DOCK10: variants seen among roughly 807,000 people sequenced by gnomAD.
DOCK10 encodes the protein dedicator of cytokinesis protein 10.
A neutral mutation model predicts 280.1 loss-of-function variants in DOCK10; 145 were observed. That is an observed-to-expected ratio of 0.52 (90% CI 0.45 to 0.59). The LOEUF (loss-of-function observed/expected upper bound fraction) is 0.59. Among genes scored for constraint, DOCK10 ranks in the 20% least tolerant of loss-of-function variants. DOCK10 has a pLI of 0.00. For missense variants in DOCK10, 2,368 were observed against 2,651.7 expected, an observed-to-expected ratio of 0.89 and a Z score of 2.35; for synonymous variants, 915 against 942.2, an observed-to-expected ratio of 0.97 and a Z score of 0.53.
At chr2:224,912,397 G>T (rs1011515641) in intron 3 of DOCK10, among the ~76,000 whole-genome samples, 1 of 152,082 alleles carries the variant, frequency 6.6e-6, no homozygotes, top group Admixed American at 6.5e-5. Context: ...GGCTTCCCAA[G>T]GTGCTGGGAT....
chr2:224,898,481 G>A (rs1047529068), intron 3 of DOCK10, among the ~76,000 whole-genome samples: 2 of 152,238 alleles, frequency 1.3e-5, no homozygotes, highest in Non-Finnish European at 2.9e-5. Flanking sequence ...GTACTGGAAT[G>A]GATGGGGAAT....
intron 55 of DOCK10, among the ~76,000 whole-genome samples, chr2:224,769,550 G>A (rs1443318007): frequency 6.6e-6 from 1 of 152,194 alleles, no homozygotes; most frequent in Non-Finnish European, 1.5e-5. Flanking sequence ...ATGGATTCTA[G>A]GAAGTAGGCC....
At chr2:224,999,250 C>CT (rs111619305) in intron 1 of DOCK10, among the ~76,000 whole-genome samples, 10,924 of 117,338 alleles carry the variant, frequency 0.093, 507 homozygotes, top group African/African-American at 0.23. Flanking sequence ...GTCTCTCTCT[C>CT]TTTTTTTTTT....
intron 5 of DOCK10, 108 bp downstream of exon 5, chr2:224,886,351 C>T: frequency 1.4e-6 from 2 of 1,422,674 alleles, no homozygotes; most frequent in South Asian, 2.4e-5. Flanking sequence ...CTACCACCAA[C>T]AGCTACTACA....
At chr2:224,812,686 T>C (rs1693860470) in intron 31 of DOCK10, among the ~76,000 whole-genome samples, 2 of 152,236 alleles carry the variant, frequency 1.3e-5, no homozygotes, top group Non-Finnish European at 2.9e-5. Context: ...ATTGAGAGTT[T>C]TTAGCATGAA....
Position 224,896,327 on chromosome 2 carries a change from T to C in DOCK10, c.384A>G (p.Glu128=), listed in dbSNP as rs374911189. ...GCTGTCGAATGTCTCCAGAATATTG[T>C]TCATATTTGTAGTTTACCACATGCC... The part of the protein sequence containing the change: ...SQWHVVNYKY[E]QYSGDIRQLP... Residue 128 remains glutamate, a synonymous_variant, in exon 4 of 56, where the codon GAA becomes GAG. Transcript: ENST00000258390. 1 of 1,607,258 alleles carries C rather than the reference T, an allele frequency of 6.2e-7. No individual in the cohort carries two copies. Among genetic ancestry groups the C allele is most frequent in the South Asian group, 1.1e-5 (1 of 90,160 alleles).
chr2:224,852,666 T>C (rs1283201783), intron 17 of DOCK10, among the ~76,000 whole-genome samples: 1 of 152,194 alleles, frequency 6.6e-6, no homozygotes, highest in Non-Finnish European at 1.5e-5. Flanking sequence ...GCATGCTATT[T>C]TTAGAATATC....
At chr2:224,950,479 C>G (rs1202857030) in intron 1 of DOCK10, among the ~76,000 whole-genome samples, 2 of 152,146 alleles carry the variant, frequency 1.3e-5, no homozygotes, top group Non-Finnish European at 2.9e-5. Flanking sequence ...AGTAGCAGAG[C>G]TGGGATGTAA....
At position 224,849,125 on chromosome 2, in the gene DOCK10, G is replaced by A. The variant is rs186208512; in HGVS notation, c.2235+382C>T. Among the ~76,000 whole-genome samples the A allele has an allele frequency of 5.9e-3, 899 of 152,178 alleles. 9 individuals carry two copies. Among genetic ancestry groups the A allele is most frequent in the African/African-American group, 0.019 (787 of 41,534 alleles). On this transcript the variant is annotated intron_variant, in intron 19 of 55. Transcript: ENST00000258390. The stretch of plus-strand genomic sequence containing the variant: ...CGAGTAGCTGGGATTACAGGCACGT[G>A]CCACCACGCCCAGCTAATTTTTGTA...
intron 50 of DOCK10, among the ~76,000 whole-genome samples, chr2:224,779,397 A>G (rs2125025191): frequency 6.6e-6 from 1 of 151,994 alleles, no homozygotes; most frequent in South Asian, 2.1e-4. Flanking sequence ...TGTGTTTTTA[A>G]TTAAGGTGGA....
intron 3 of DOCK10, among the ~76,000 whole-genome samples, chr2:224,912,887 A>T (rs908917691): frequency 1.9e-4 from 29 of 152,064 alleles, no homozygotes; most frequent in African/African-American, 6.8e-4. Context: ...TTAGCCAGGC[A>T]TGGTGGTGGG....
chr2:224,938,075 G>A (rs1171689683), intron 1 of DOCK10, among the ~76,000 whole-genome samples: 1 of 152,142 alleles, frequency 6.6e-6, no homozygotes, highest in Non-Finnish European at 1.5e-5. Flanking sequence ...CATTGGGGTT[G>A]CTCTAGTTTT....
chr2:224,813,354 C>A (rs1268742161), intron 31 of DOCK10, among the ~76,000 whole-genome samples: 1 of 152,104 alleles, frequency 6.6e-6, no homozygotes, highest in South Asian at 2.1e-4. Flanking sequence ...TGCCACCATG[C>A]CCAGCTGATT....
chr2:224,853,222 TCC>T, intron 16 of DOCK10, 100 bp from the exon 17 acceptor site: 1 of 1,044,230 alleles, frequency 9.6e-7, no homozygotes, highest in Non-Finnish European at 1.3e-6. Flanking sequence ...AGATAGAAAC[TCC>T]TGGCTTGTAC....
At chr2:224,917,294 A>T (rs1010717370) in intron 2 of DOCK10, among the ~76,000 whole-genome samples, 1 of 151,906 alleles carries the variant, frequency 6.6e-6, no homozygotes, top group South Asian at 2.1e-4. Context: ...TTTAGTAGAG[A>T]CAGGGTTTCA....
intron 31 of DOCK10, among the ~76,000 whole-genome samples, chr2:224,811,951 A>G (rs1304523141): frequency 3.3e-5 from 5 of 152,186 alleles, no homozygotes; most frequent in East Asian, 3.9e-4. Flanking sequence ...TTGGCTTAGG[A>G]TTGACTTGGC....
chr2:224,923,963 T>A (rs916045589), intron 2 of DOCK10, among the ~76,000 whole-genome samples: 1 of 152,246 alleles, frequency 6.6e-6, no homozygotes, highest in Admixed American at 6.5e-5. Flanking sequence ...CTGTGTGTTT[T>A]ATTGTTTATA....
chr2:224,864,155 T>A (rs1697711801), intron 13 of DOCK10, among the ~76,000 whole-genome samples: 1 of 152,166 alleles, frequency 6.6e-6, no homozygotes, highest in Admixed American at 6.5e-5. Context: ...AATAAGTGAG[T>A]ATTTCAAGAC....
At chr2:224,817,621 TC>T (rs1287506668) in intron 29 of DOCK10, among the ~76,000 whole-genome samples, 1 of 152,200 alleles carries the variant, frequency 6.6e-6, no homozygotes, top group East Asian at 1.9e-4. Flanking sequence ...TTGAGAACAT[TC>T]TGTTTGGTCT....
Sources: allele counts gnomAD v4.1 joint callset (sites outside exome capture counted in the v4.1 genomes callset), GRCh38; gene constraint gnomAD v4.1.1; transcripts MANE v1.5; gene names NCBI Gene and HGNC (gene_info 2026-07-23, HGNC 2026-07-21).